The following CCSER1 variants were observed in gnomAD, a reference collection of about 807,000 sequenced individuals.
CCSER1 encodes the protein coiled-coil serine rich protein 1, also known as serine-rich coiled-coil domain-containing protein 1.
CCSER1 carries 41 observed loss-of-function variants against 82.0 expected under a neutral mutation model. That is an observed-to-expected ratio of 0.50 (90% CI 0.39 to 0.65). The LOEUF is 0.65. Among genes scored for constraint, CCSER1 ranks in the 30% least tolerant of loss-of-function variants. CCSER1 has a pLI of 0.00. For missense variants in CCSER1, 1,119 were observed against 1,064.2 expected, an observed-to-expected ratio of 1.05 and a Z score of -0.72; for synonymous variants, 414 against 383.9, an observed-to-expected ratio of 1.08 and a Z score of -0.92.
intron 9 of CCSER1, among the ~76,000 whole-genome samples, chr4:90,932,980 AAGAGAAAGAAAG>A (rs1730220146): frequency 4.6e-5 from 1 of 21,940 alleles, no homozygotes; most frequent in Non-Finnish European, 8.5e-5. Context: ...GAAAGAAAGA[AAGAGAAAGAAAG>A]AAAGAAAGAA....
In CCSER1 at chr4:90,984,183, T is replaced by C. The variant is rs571348434; in HGVS notation, c.2172+60736T>C. ...CTGAAACAATTTTTGTTGTCTAAGC[T>C]GTTCACACACCATTTGTCCTTAAAG... On this transcript the variant is annotated intron_variant, in intron 9 of 10. Coordinates refer to ENST00000509176, the MANE Select transcript of CCSER1 (RefSeq NM_001145065.2). Among the ~76,000 whole-genome samples, 20 of 151,940 alleles carry C rather than the reference T, an allele frequency of 1.3e-4. No individual in the cohort carries two copies. The South Asian group carries it at 4.1e-3, about 31-fold the overall frequency.
At chr4:90,216,642 T>C (rs1415002523) in intron 1 of CCSER1, among the ~76,000 whole-genome samples, 2 of 152,228 alleles carry the variant, frequency 1.3e-5, no homozygotes, top group Non-Finnish European at 2.9e-5. Flanking sequence ...TCTTTTTTTG[T>C]ACCAGTACCA....
intron 10 of CCSER1, among the ~76,000 whole-genome samples, chr4:91,340,956 A>C (rs1180244506): frequency 1.3e-5 from 2 of 152,196 alleles, no homozygotes; most frequent in Non-Finnish European, 2.9e-5. Context: ...CTATTGGCCT[A>C]GTTTCAAAAG....
intron 5 of CCSER1, among the ~76,000 whole-genome samples, chr4:90,484,162 C>T (rs1308288691): frequency 6.6e-6 from 1 of 152,160 alleles, no homozygotes; most frequent in Non-Finnish European, 1.5e-5. Context: ...CAGTTGATCG[C>T]ATCGGTTACT....
chr4:90,498,991 G>C (rs527987296), intron 5 of CCSER1, among the ~76,000 whole-genome samples: 1 of 152,178 alleles, frequency 6.6e-6, no homozygotes, highest in South Asian at 2.1e-4. Flanking sequence ...TGCAATTGAT[G>C]AGTTGATTAT....
intron 6 of CCSER1, among the ~76,000 whole-genome samples, chr4:90,637,445 A>G (rs1725632570): frequency 6.6e-6 from 1 of 152,160 alleles, no homozygotes. Context: ...TTGATTTAGC[A>G]TGGAAGAACA....
At chr4:91,486,063 A>T (rs914375767) in intron 10 of CCSER1, among the ~76,000 whole-genome samples, 1 of 151,984 alleles carries the variant, frequency 6.6e-6, no homozygotes, top group Admixed American at 6.6e-5. Context: ...AATTCAATGA[A>T]CTATAATTTT....
chr4:90,923,438 A>G lies in CCSER1; in HGVS notation c.2163A>G (p.Leu721=), dbSNP rs553126269. The G allele has an allele frequency of 4.1e-5, 64 of 1,549,498 alleles. No individual in the cohort carries two copies. The East Asian group carries it at 1.4e-3, about 34-fold the overall frequency. ...RVDKSTQTEL[L]CYDGLNLKRL... ...ATAAATCCACACAGACTGAACTACT[A>G]TGCTATGATGTAAGTAGCTCTGTAA... The change falls in exon 9 of 11, where the codon CTA becomes CTG. Residue 721 remains leucine (L), a synonymous_variant. Coordinates refer to ENST00000509176, the MANE Select transcript of CCSER1 (RefSeq NM_001145065.2).
At chr4:90,967,230 C>T (rs578080877) in intron 9 of CCSER1, among the ~76,000 whole-genome samples, 2 of 151,832 alleles carry the variant, frequency 1.3e-5, no homozygotes, top group African/African-American at 2.4e-5. Context: ...GGAAGATCAG[C>T]TGAGGTGAGG....
chr4:90,723,142 T>C (rs182314199), intron 6 of CCSER1, among the ~76,000 whole-genome samples: 9 of 152,120 alleles, frequency 5.9e-5, no homozygotes, highest in African/African-American at 7.2e-5. Flanking sequence ...GTTAAGAATA[T>C]AATAAAATGA....
At chr4:91,096,565 C>T (rs970999771) in intron 10 of CCSER1, among the ~76,000 whole-genome samples, 1 of 152,150 alleles carries the variant, frequency 6.6e-6, no homozygotes, top group African/African-American at 2.4e-5. Context: ...TATGCCATAC[C>T]TTTGAAACCA....
intron 8 of CCSER1, among the ~76,000 whole-genome samples, chr4:90,895,524 C>T (rs1421670953): frequency 1.3e-5 from 2 of 151,832 alleles, no homozygotes; most frequent in African/African-American, 2.4e-5. Context: ...AATAAAAATA[C>T]AGAAAACCAT....
At chr4:90,704,184 C>T (rs1206007431) in intron 6 of CCSER1, among the ~76,000 whole-genome samples, 1 of 152,164 alleles carries the variant, frequency 6.6e-6, no homozygotes, top group African/African-American at 2.4e-5. Flanking sequence ...GACAAAATCT[C>T]TCAGCATTTG....
chr4:90,233,074 C>A (rs1264929214), intron 1 of CCSER1, among the ~76,000 whole-genome samples: 1 of 151,984 alleles, frequency 6.6e-6, no homozygotes, highest in Admixed American at 6.6e-5. Context: ...GGCGATTCCT[C>A]AGGGATCTAG....
chr4:91,539,583 T>C (rs1272035134), intron 10 of CCSER1, among the ~76,000 whole-genome samples: 1 of 152,102 alleles, frequency 6.6e-6, no homozygotes, highest in African/African-American at 2.4e-5. Context: ...GCTAGTGGTT[T>C]CCTAAATCAG....
intron 10 of CCSER1, among the ~76,000 whole-genome samples, chr4:91,267,126 G>A (rs1741650947): frequency 6.6e-6 from 1 of 152,116 alleles, no homozygotes; most frequent in Non-Finnish European, 1.5e-5. Context: ...AGAAGTGGTA[G>A]GTAAAGTTAA....
At chr4:90,894,718 G>C (rs1050778519) in intron 8 of CCSER1, among the ~76,000 whole-genome samples, 7 of 151,132 alleles carry the variant, frequency 4.6e-5, no homozygotes, top group African/African-American at 1.7e-4. Context: ...TTATCAAGTA[G>C]TAATGGTACC....
chr4:90,969,780 A>C (rs147241961), intron 9 of CCSER1, among the ~76,000 whole-genome samples: 1 of 151,994 alleles, frequency 6.6e-6, no homozygotes, highest in Non-Finnish European at 1.5e-5. Context: ...TGTCATAATT[A>C]TCTGATGCAG....
At chr4:90,651,649 G>A (rs1286071009) in intron 6 of CCSER1, among the ~76,000 whole-genome samples, 1 of 151,424 alleles carries the variant, frequency 6.6e-6, no homozygotes, top group African/African-American at 2.4e-5. Flanking sequence ...TAACAAAACT[G>A]CACGTTCTCT....
Sources: allele counts gnomAD v4.1 joint callset (sites outside exome capture counted in the v4.1 genomes callset), GRCh38; gene constraint gnomAD v4.1.1; transcripts MANE v1.5; gene names NCBI Gene and HGNC (gene_info 2026-07-23, HGNC 2026-07-21).